The following SH2D4A variants were observed in gnomAD, a reference collection of about 807,000 sequenced individuals.
The protein encoded by SH2D4A is SH2 domain-containing protein 4A.
In SH2D4A, 70 loss-of-function variants were observed where a neutral mutation model predicts 64.7. The observed-to-expected ratio is 1.08, with a 90% confidence interval of 0.89 to 1.32. SH2D4A has a LOEUF of 1.32. SH2D4A is among the 40% of genes most tolerant of loss of function. The pLI is 0.00. For missense variants in SH2D4A, 706 were observed against 540.1 expected (o/e 1.31, Z -3.04); for synonymous variants, 268 against 200.7 (o/e 1.34, Z -2.83).
chr8:19,347,565 C>T (rs976503837), intron 4 of SH2D4A, among the ~76,000 whole-genome samples: 4 of 152,178 alleles, frequency 2.6e-5, no homozygotes, highest in African/African-American at 9.7e-5. Context: ...AATTTGCAGG[C>T]TTGGAACTCA....
intron 6 of SH2D4A, among the ~76,000 whole-genome samples, chr8:19,362,231 T>A (rs1563201733): frequency 6.6e-6 from 1 of 152,226 alleles, no homozygotes; most frequent in Admixed American, 6.5e-5. Context: ...CAGTAGGCTC[T>A]TTGTACTATG....
chr8:19,321,963 G>T (rs1244678018), intron 2 of SH2D4A, among the ~76,000 whole-genome samples: 2 of 152,178 alleles, frequency 1.3e-5, no homozygotes, highest in Non-Finnish European at 2.9e-5. Context: ...CAGAAACCCT[G>T]TGTTAACTTT....
At chr8:19,315,242 C>T (rs919671865) in intron 1 of SH2D4A, among the ~76,000 whole-genome samples, 3 of 152,046 alleles carry the variant, frequency 2.0e-5, no homozygotes, top group African/African-American at 4.8e-5. Context: ...CTCAAGAGAT[C>T]CCCCCACCTC....
intron 8 of SH2D4A, among the ~76,000 whole-genome samples, chr8:19,378,081 G>T (rs2153650720): frequency 6.6e-6 from 1 of 152,186 alleles, no homozygotes; most frequent in East Asian, 1.9e-4. Context: ...GGATGAGTAG[G>T]TCTTCTGTAA....
At chr8:19,372,491 G>A (rs977129420) in intron 7 of SH2D4A, among the ~76,000 whole-genome samples, 3 of 152,190 alleles carry the variant, frequency 2.0e-5, no homozygotes, top group African/African-American at 7.2e-5. Flanking sequence ...GGGAGGGGAT[G>A]GAGCTGATAT....
rs577114140 is a variant in SH2D4A at position 19,348,095 on chromosome 8, G to C, written c.514-9108G>C. Among the ~76,000 whole-genome samples, 7 of 152,080 alleles carry C rather than the reference G, an allele frequency of 4.6e-5. No homozygotes were observed. In the South Asian group the frequency reaches 1.2e-3, roughly 27 times the overall value. On this transcript the variant is annotated intron_variant, in intron 4 of 9. Transcript: ENST00000265807. The stretch of plus-strand genomic sequence containing the variant: ...ATGGTGGTTTTCAGTTTTTGTGTGC[G>C]TGTGTGTGTGTATTTTTAGAAACAG...
chr8:19,351,919 G>A (rs901398469), intron 4 of SH2D4A, among the ~76,000 whole-genome samples: 2 of 152,062 alleles, frequency 1.3e-5, no homozygotes, highest in Admixed American at 1.3e-4. Context: ...GAGTAGCTGC[G>A]ATTACAGGCA....
At chr8:19,380,138 A>C (rs781089117) in intron 8 of SH2D4A, among the ~76,000 whole-genome samples, 14 of 152,024 alleles carry the variant, frequency 9.2e-5, no homozygotes, top group Non-Finnish European at 1.8e-4. Flanking sequence ...AGTAATGTTG[A>C]GCACCTTTTC....
At chr8:19,319,128 G>C (rs1050991707) in intron 1 of SH2D4A, among the ~76,000 whole-genome samples, 1 of 149,180 alleles carries the variant, frequency 6.7e-6, no homozygotes, top group South Asian at 2.1e-4. Context: ...GTTAGGGTTT[G>C]TTTTCTTTTT....
At chr8:19,384,232 C>T (rs1482393624) in intron 8 of SH2D4A, among the ~76,000 whole-genome samples, 1 of 152,144 alleles carries the variant, frequency 6.6e-6, no homozygotes, top group Non-Finnish European at 1.5e-5. Flanking sequence ...AGGGTCAACA[C>T]CCTCACCAAC....
chr8:19,373,640 C>T lies in SH2D4A; in HGVS notation c.1028C>T (p.Thr343Ile). 6.2e-7 allele frequency: 1 copy of T among 1,613,214 alleles called. No homozygotes were observed. Among genetic ancestry groups the T allele is most frequent in the Non-Finnish European group, 8.5e-7 (1 of 1,179,526 alleles). ...GCGGGCTACCAGAAAACCTCAGACA[C>T]CATAGCCCCCTGGTTCCATGGTGAG... ...LRAGYQKTSDTIAPWFHGILT... is the reference protein window; with the variant it reads ...LRAGYQKTSDIIAPWFHGILT... Residue 343 changes from threonine to isoleucine, a missense_variant, in exon 8 of 10, where the codon ACC (threonine) becomes ATC (isoleucine). Transcript: ENST00000265807.
intron 7 of SH2D4A, 85 bp from the exon 8 acceptor site, chr8:19,373,445 T>TGTATATAC (rs35186255): frequency 8.4e-6 from 2 of 237,588 alleles, no homozygotes; most frequent in African/African-American, 6.9e-5. Flanking sequence ...TGTGTGTGTG[T>TGTATATAC]ATATATATAT....
intron 8 of SH2D4A, among the ~76,000 whole-genome samples, chr8:19,377,946 TGTTTCCCTATGTACTTGCCA>T (rs2053225208): frequency 6.6e-6 from 1 of 152,242 alleles, no homozygotes; most frequent in Non-Finnish European, 1.5e-5. Context: ...CTTGAGAATT[TGTTTCCCTATGTACTTGCCA>T]GTTCTTGATA....
intron 7 of SH2D4A, among the ~76,000 whole-genome samples, chr8:19,369,042 G>T (rs2053050303): frequency 6.6e-6 from 1 of 152,098 alleles, no homozygotes; most frequent in Admixed American, 6.5e-5. Context: ...ATCATGAAGG[G>T]ATATTGAATT....
intron 8 of SH2D4A, among the ~76,000 whole-genome samples, chr8:19,382,092 GTT>G (rs2053303003): frequency 6.6e-6 from 1 of 151,896 alleles, no homozygotes; most frequent in Admixed American, 6.6e-5. Flanking sequence ...CCTTTATTGA[GTT>G]ACTTGTTTCT....
At chr8:19,324,478 A>G (rs2052243277) in intron 2 of SH2D4A, among the ~76,000 whole-genome samples, 1 of 151,754 alleles carries the variant, frequency 6.6e-6, no homozygotes, top group African/African-American at 2.4e-5. Flanking sequence ...TCCCTTTTGA[A>G]CTCACTGCAT....
chr8:19,393,844 T>C (rs888075954), intron 9 of SH2D4A, among the ~76,000 whole-genome samples: 5 of 152,134 alleles, frequency 3.3e-5, no homozygotes, highest in Non-Finnish European at 7.4e-5. Context: ...TCCCCAAACT[T>C]TGTGACACCA....
intron 7 of SH2D4A, among the ~76,000 whole-genome samples, chr8:19,372,796 C>G (rs2053125050): frequency 6.6e-6 from 1 of 151,182 alleles, no homozygotes; most frequent in Non-Finnish European, 1.5e-5. Context: ...GTATCTTTGT[C>G]TTTTCAAACT....
intron 4 of SH2D4A, among the ~76,000 whole-genome samples, chr8:19,339,789 C>T (rs1259695500): frequency 6.6e-6 from 1 of 152,194 alleles, no homozygotes; most frequent in African/African-American, 2.4e-5. Context: ...GTGTAAGCCA[C>T]TGTGCCCAGC....
Sources: allele counts gnomAD v4.1 joint callset (sites outside exome capture counted in the v4.1 genomes callset), GRCh38; gene constraint gnomAD v4.1.1; transcripts MANE v1.5; gene names NCBI Gene and HGNC (gene_info 2026-07-23, HGNC 2026-07-21).